Variants in ANXA3 observed in about 807,000 individuals in gnomAD.
ANXA3 encodes the protein 35-alpha calcimedin.
In ANXA3, 46 loss-of-function variants were observed where a neutral mutation model predicts 48.8. That is an observed-to-expected ratio of 0.94 (90% CI 0.74 to 1.21). ANXA3 has a LOEUF of 1.21. ANXA3 is among the 50% of genes most tolerant of loss of function. The probability of loss-of-function intolerance (pLI) is 0.00; values close to 1 mark genes in which losing one functional copy is unlikely to be tolerated. For synonymous variants in ANXA3, 128 were observed against 134.7 expected, an observed-to-expected ratio of 0.95 and a Z score of 0.35; for missense variants, 383 against 378.6, an observed-to-expected ratio of 1.01 and a Z score of -0.10.
At chr4:78,578,298 C>CGAGAGGGAGAGA (rs1451574068) in intron 3 of ANXA3, among the ~76,000 whole-genome samples, 1 of 46,506 alleles carries the variant, frequency 2.2e-5, no homozygotes, top group East Asian at 6.3e-4. Context: ...AGAGAGAGAG[C>CGAGAGGGAGAGA]GAGAGAGAGA....
At chr4:78,598,184 C>T (rs1173536937) in intron 10 of ANXA3, among the ~76,000 whole-genome samples, 1 of 151,216 alleles carries the variant, frequency 6.6e-6, no homozygotes, top group East Asian at 1.9e-4. Flanking sequence ...AAAAACCACA[C>T]ACACACACAC....
At chr4:78,571,869 T>A (rs1722847721) in intron 2 of ANXA3, among the ~76,000 whole-genome samples, 1 of 152,226 alleles carries the variant, frequency 6.6e-6, no homozygotes, top group African/African-American at 2.4e-5. Flanking sequence ...CATTTTTTAC[T>A]TCCTTGCAAT....
At chr4:78,598,814 A>G (rs1444544711) in intron 10 of ANXA3, among the ~76,000 whole-genome samples, 11 of 152,090 alleles carry the variant, frequency 7.2e-5, no homozygotes, top group Non-Finnish European at 4.4e-5. Context: ...TGCTGGGATT[A>G]CAGGCTTGAG....
chr4:78,557,529 G>A (rs913317368), intron 2 of ANXA3, among the ~76,000 whole-genome samples: 9 of 152,104 alleles, frequency 5.9e-5, no homozygotes, highest in African/African-American at 2.2e-4. Flanking sequence ...CAGGGGCTAG[G>A]AGTATGGCTA....
At chr4:78,607,610 T>TA (rs1214466023) in intron 12 of ANXA3, among the ~76,000 whole-genome samples, 7 of 152,176 alleles carry the variant, frequency 4.6e-5, no homozygotes, top group African/African-American at 1.7e-4. Flanking sequence ...CCAAGCTTTT[T>TA]ATGGGAAAAT....
chr4:78,593,625 C>CATTATTATTATTATT (rs568701695), intron 7 of ANXA3, among the ~76,000 whole-genome samples: 68 of 146,996 alleles, frequency 4.6e-4, no homozygotes, highest in African/African-American at 1.7e-3. Context: ...CTTTCCTTTC[C>CATTATTATTATTATT]ATTATTATTA....
At chr4:78,609,889 T>C (rs907625521) in intron 12 of ANXA3, among the ~76,000 whole-genome samples, 167 bp from the exon 13 acceptor site, 1 of 152,200 alleles carries the variant, frequency 6.6e-6, no homozygotes, top group African/African-American at 2.4e-5. Flanking sequence ...AGAACGTAAT[T>C]ACACTCAGGT....
intron 3 of ANXA3, among the ~76,000 whole-genome samples, chr4:78,577,579 A>G (rs1722980513): frequency 6.6e-6 from 1 of 152,222 alleles, no homozygotes; most frequent in African/African-American, 2.4e-5. Context: ...ACAAAACCAA[A>G]GACACAGAAA....
chr4:78,572,677 G>A (rs1722862860), intron 2 of ANXA3, among the ~76,000 whole-genome samples: 1 of 152,166 alleles, frequency 6.6e-6, no homozygotes, highest in African/African-American at 2.4e-5. Flanking sequence ...AAGCCTAAAA[G>A]ACTTCTCAAA....
At chr4:78,607,184 C>A (rs185796155) in intron 12 of ANXA3, among the ~76,000 whole-genome samples, 1 of 152,238 alleles carries the variant, frequency 6.6e-6, no homozygotes, top group Non-Finnish European at 1.5e-5. Flanking sequence ...AAGAAAAATC[C>A]ATCACTGAAA....
chr4:78,554,381 T>C, intron 1 of ANXA3, 55 bp from the exon 2 acceptor site: 1 of 1,216,438 alleles, frequency 8.2e-7, no homozygotes, highest in Non-Finnish European at 1.2e-6. Flanking sequence ...GGACTAAGAT[T>C]ATTGTGTTCT....
At chr4:78,593,277 A>G (rs1723342552) in intron 7 of ANXA3, among the ~76,000 whole-genome samples, 1 of 151,914 alleles carries the variant, frequency 6.6e-6, no homozygotes, top group African/African-American at 2.4e-5. Flanking sequence ...ATCTCGGCTC[A>G]CTGCAACCTC....
At chr4:78,590,425 A>G (rs1393635038) in intron 6 of ANXA3, among the ~76,000 whole-genome samples, 1 of 152,224 alleles carries the variant, frequency 6.6e-6, no homozygotes, top group Non-Finnish European at 1.5e-5. Flanking sequence ...GGATAATCTC[A>G]TATCACTTTC....
intron 5 of ANXA3, among the ~76,000 whole-genome samples, chr4:78,584,081 T>G (rs990882853): frequency 6.6e-6 from 1 of 152,236 alleles, no homozygotes; most frequent in Non-Finnish European, 1.5e-5. Context: ...TTATACATGA[T>G]GTTTCTTCCA....
intron 12 of ANXA3, among the ~76,000 whole-genome samples, chr4:78,605,200 C>T (rs940041570): frequency 2.0e-5 from 3 of 152,064 alleles, no homozygotes; most frequent in Admixed American, 6.6e-5. Flanking sequence ...TTCACAGGTG[C>T]GATCATAATA....
rs1481217605 is a variant in ANXA3, at chr4:78,583,164, C to A, written c.312+874C>A. ...AATCAGCCTGGGCAACTTGGAGAAACCCTGTCTCTACAAAAAATAAAAAAA... is the reference window on the plus strand; with the variant it reads ...AATCAGCCTGGGCAACTTGGAGAAAACCTGTCTCTACAAAAAATAAAAAAA... On this transcript the variant is annotated intron_variant, in intron 5 of 12. Coordinates refer to ENST00000264908, the MANE Select transcript of ANXA3 (RefSeq NM_005139.3). 6.7e-5 allele frequency among the ~76,000 whole-genome samples: 9 copies of A among 133,490 alleles called. No homozygotes were observed. In the East Asian group the frequency reaches 2.1e-3, roughly 31 times the overall value. The allele number at this position is 133,490 out of a possible 152,430, so 87.6% of individuals were successfully genotyped here.
chr4:78,594,452 A>C (rs1201505367), intron 7 of ANXA3, among the ~76,000 whole-genome samples: 1 of 152,206 alleles, frequency 6.6e-6, no homozygotes, highest in Non-Finnish European at 1.5e-5. Flanking sequence ...TTTATTAAAA[A>C]ACTGCAGAAC....
intron 3 of ANXA3, among the ~76,000 whole-genome samples, chr4:78,575,577 T>A (rs1477421536): frequency 6.6e-6 from 1 of 152,246 alleles, no homozygotes; most frequent in Non-Finnish European, 1.5e-5. Flanking sequence ...CCTTCCACCA[T>A]GATTGTGAGG....
chr4:78,568,404 C>T (rs982345843), intron 2 of ANXA3, among the ~76,000 whole-genome samples: 2 of 152,184 alleles, frequency 1.3e-5, no homozygotes, highest in Admixed American at 6.5e-5. Flanking sequence ...CGTTTCTCCC[C>T]GGCTCTTTGA....
Sources: gnomAD v4.1 joint callset for allele counts (sites outside exome capture counted in the v4.1 genomes callset) on GRCh38, gnomAD v4.1.1 for gene constraint, MANE v1.5 for transcripts, NCBI Gene and HGNC (gene_info 2026-07-23, HGNC 2026-07-21) for gene names.